Variants in DNAH1 observed in about 807,000 individuals in gnomAD.
The protein encoded by DNAH1 is dynein axonemal heavy chain 1, also known as axonemal beta dynein heavy chain 1.
A neutral mutation model predicts 484.3 loss-of-function variants in DNAH1; 327 were observed. The observed-to-expected ratio is 0.68, with a 90% CI of 0.62 to 0.74. The LOEUF is 0.74. DNAH1 is among the 30% of genes least tolerant of loss of function. The probability of loss-of-function intolerance (pLI) is 0.00; values close to 1 mark genes in which losing one functional copy is unlikely to be tolerated. For synonymous variants in DNAH1, 2,192 were observed against 2,191.9 expected (o/e 1.00, Z 0.00); for missense variants, 5,052 against 5,546.8 (o/e 0.91, Z 2.83).
At position 52,361,806 on chromosome 3, in the gene DNAH1, A is replaced by T. The variant is rs1417403778; in HGVS notation, c.4980+40A>T. ...CCCACCTTACTCCCTCAGATCTGCC[A>T]TACTCACGCCGCCATACTGCTCCCC... On this transcript the variant is annotated intron_variant, in intron 30 of 77. Coordinates refer to ENST00000420323, the MANE Select transcript of DNAH1 (RefSeq NM_015512.5). The surrounding 1 kb of genome is among the most constrained non-coding windows in gnomAD (Gnocchi z 5.6). 7.7e-6 allele frequency: 12 copies of T among 1,553,230 alleles called. No homozygotes were observed. The highest frequency in any genetic ancestry group is 1.0e-5 in the Non-Finnish European group (12 of 1,146,496).
chr3:52,399,679 C>T lies in DNAH1; in HGVS notation c.12576C>T (p.Tyr4192=), dbSNP rs1166558325. ...CTGAGTCTCAGCCCAAGGAGCTGTA[C>T]ACAGAGATGGCCGTTATCTGGCTCT... ...QLAESQPKEL[Y]TEMAVIWLLP... is the part of the protein sequence containing the mutation. The change falls in exon 77 of 78, where the codon TAC becomes TAT. Residue 4192 remains tyrosine (Y), a synonymous_variant. Transcript: ENST00000420323. 3 of 1,614,040 alleles carry T rather than the reference C, an allele frequency of 1.9e-6. No homozygotes were observed. The East Asian group carries it at 6.7e-5, about 36-fold the overall frequency.
At chr3:52,360,546 A>G in intron 28 of DNAH1, 122 bp downstream of exon 28, 3 of 790,342 alleles carry the variant, frequency 3.8e-6, no homozygotes, top group Non-Finnish European at 5.9e-6. Flanking sequence ...GTACAGGGTT[A>G]GGACCAAGGG....
At position 52,354,909 on chromosome 3, in the gene DNAH1, G is replaced by A; in HGVS notation, c.3547G>A (p.Asp1183Asn). 6.2e-7 allele frequency: 1 copy of A among 1,614,052 alleles called. No individual in the cohort carries two copies. Residue 1183 changes from aspartate (D) to asparagine (N), a missense_variant, in exon 21 of 78, where the codon GAC becomes AAC. Physicochemically the swap from Asp to Asn is conservative, Grantham distance 23. This residue lies in a region of DNAH1 where 2,929 missense variants were observed against 3,409.4 expected (regional missense o/e 0.86). Coordinates refer to ENST00000420323, the MANE Select transcript of DNAH1 (RefSeq NM_015512.5). ...LFNVLPYKAT[D>N]TYILKSPDEA... ...CAATGTACTGCCCTACAAGGCGACAGACACCTACATCCTGAAGAGCCCGGA... is the reference window on the plus strand; with the variant it reads ...CAATGTACTGCCCTACAAGGCGACAAACACCTACATCCTGAAGAGCCCGGA...
chr3:52,366,609 T>G, intron 35 of DNAH1, 61 bp downstream of exon 35: 1 of 1,556,876 alleles, frequency 6.4e-7, no homozygotes, highest in African/African-American at 1.4e-5. Context: ...GGGGTGCAGC[T>G]TCAACAGGGG....
Position 52,388,877 on chromosome 3 carries a change from C to A in DNAH1, c.9435C>A (p.Asn3145Lys), listed in dbSNP as rs1233745051. The A allele has an allele frequency of 1.2e-6, 2 of 1,613,554 alleles. No homozygotes were observed. The highest frequency in any genetic ancestry group is 1.7e-5 in the Admixed American group (1 of 59,982). The change falls in exon 59 of 78, where the codon AAC (asparagine) becomes AAA (lysine). Residue 3145 changes from asparagine to lysine, a missense_variant. By Grantham distance (94) the Asn-to-Lys change is moderately conservative. Around this residue, in one of 4 missense-constraint regions of DNAH1, gnomAD observed 2,929 missense variants for 3,409.4 expected, o/e 0.86. Coordinates refer to ENST00000420323, the MANE Select transcript of DNAH1 (RefSeq NM_015512.5). ...TGGAGAACCTGCAGTACATGCTCAA[C>A]AACATCTCCGGCGATGTCCTGGTGG... The part of the protein sequence containing the change: ...ETVENLQYML[N>K]NISGDVLVAA...
chr3:52,395,686 G>T lies in DNAH1; in HGVS notation c.11259+8G>T, dbSNP rs749425109. On this transcript the variant is annotated splice_region_variant and intron_variant, in intron 70 of 77. Coordinates refer to ENST00000420323, the MANE Select transcript of DNAH1 (RefSeq NM_015512.5). The surrounding 1 kb of genome is among the most constrained non-coding windows in gnomAD (Gnocchi z 4.4). ...CACATCAACCCCGACAAGGTGTGTT[G>T]CCCTGCCCATCACAGACCCAGTGGG... The T allele has an allele frequency of 6.2e-7, 1 of 1,612,066 alleles. No homozygotes were observed. Among genetic ancestry groups the T allele is most frequent in the Non-Finnish European group, 8.5e-7 (1 of 1,179,110 alleles).
At chr3:52,394,226 C>G (rs888774365) in intron 66 of DNAH1, among the ~76,000 whole-genome samples, 1 of 152,220 alleles carries the variant, frequency 6.6e-6, no homozygotes, top group Non-Finnish European at 1.5e-5. Context: ...CCTTCTGATT[C>G]TTTCTACTCC....
Position 52,353,930 on chromosome 3 carries a change from G to T in DNAH1, c.3480+297G>T. 1 of 385,258 alleles carries T rather than the reference G, an allele frequency of 2.6e-6. No homozygotes were observed. The allele number at this position is 385,258 out of a possible 1,614,324, so 23.9% of individuals were successfully genotyped here. A position where few individuals can be genotyped will look rare whatever the true frequency, so the allele number is the denominator to read the frequency against. On this transcript the variant is annotated intron_variant, in intron 20 of 77. Transcript: ENST00000420323. The surrounding 1 kb of genome is among the most constrained non-coding windows in gnomAD (Gnocchi z 5.0). ...TGTCAGGCCGGGTGCAGTGACACAT[G>T]CCTGTAAATCCCAGCACTTTGGGAG... is the stretch of plus-strand genomic sequence containing the variant.
Position 52,331,186 on chromosome 3 carries a change from G to C in DNAH1, c.910G>C (p.Glu304Gln), listed in dbSNP as rs377023440. The change falls in exon 7 of 78, where the codon GAG becomes CAG. Residue 304 changes from glutamate (E) to glutamine (Q), a missense_variant. Physicochemically the swap from Glu to Gln is conservative, Grantham distance 29. Transcript: ENST00000420323. The part of the protein sequence containing the change: ...KSQKLKYKWC[E>Q]VGVLDYDEEK... ...TCAGAAGCTGAAGTACAAATGGTGC[G>C]AGGTCGGCGTCCTGGACTACGACGA... 6.2e-7 allele frequency: 1 copy of C among 1,605,146 alleles called. No homozygotes were observed. The highest frequency in any genetic ancestry group is 1.1e-5 in the South Asian group (1 of 89,104).
rs543004950 is a variant in DNAH1 at position 52,386,349 on chromosome 3, G to A, written c.8811+4G>A. On this transcript the variant is annotated splice_donor_region_variant and intron_variant, in intron 55 of 77. Transcript: ENST00000420323. ...CAACAAGAACGATGTGACCGAGGTG[G>A]GCAGCAGGGCATCTCCTGGCATTCC... 6.4e-6 allele frequency: 10 copies of A among 1,559,172 alleles called. No homozygotes were observed. In the East Asian group the frequency reaches 1.9e-4, roughly 30 times the overall value.
At chr3:52,346,905 C>T (rs989818677) in intron 11 of DNAH1, 135 bp downstream of exon 11, 8 of 946,586 alleles carry the variant, frequency 8.5e-6, no homozygotes, top group Non-Finnish European at 1.2e-5. Context: ...GCCGAGCTCC[C>T]TGCAGGCTGC....
At chr3:52,316,730 T>A (rs1700964025) in intron 1 of DNAH1, among the ~76,000 whole-genome samples, 185 bp downstream of exon 1, 1 of 152,176 alleles carries the variant, frequency 6.6e-6, no homozygotes, top group African/African-American at 2.4e-5. Context: ...TAGGGTCCAG[T>A]TCAGTTCCAG....
Position 52,388,466 on chromosome 3 carries a change from C to T in DNAH1, c.9220C>T (p.Leu3074=), listed in dbSNP as rs751348347. Residue 3074 remains leucine, a synonymous_variant, in exon 58 of 78, where the codon CTG becomes TTG. Coordinates refer to ENST00000420323, the MANE Select transcript of DNAH1 (RefSeq NM_015512.5). Reference sequence around the variant, plus strand: ...TGACCTGGGGGTGACACAGAGGATCCTGGATGAGGCAAAACAGCGCCTTCG... The same window carrying T: ...TGACCTGGGGGTGACACAGAGGATCTTGGATGAGGCAAAACAGCGCCTTCG... ...QDDLGVTQRI[L]DEAKQRLREV... is the part of the protein sequence containing the mutation. 6.2e-7 allele frequency: 1 copy of T among 1,612,890 alleles called. No individual in the cohort carries two copies. Among genetic ancestry groups the T allele is most frequent in the Admixed American group, 1.7e-5 (1 of 59,840 alleles).
At chr3:52,383,016 G>T (rs1703924479) in intron 50 of DNAH1, among the ~76,000 whole-genome samples, 1 of 152,240 alleles carries the variant, frequency 6.6e-6, no homozygotes, top group African/African-American at 2.4e-5. Context: ...AGGAAAGGGA[G>T]GATGCCATCT....
chr3:52,368,836 T>G lies in DNAH1; in HGVS notation c.5861T>G (p.Ile1954Ser). 6.2e-7 allele frequency: 1 copy of G among 1,613,944 alleles called. No homozygotes were observed. Among genetic ancestry groups the G allele is most frequent in the Non-Finnish European group, 8.5e-7 (1 of 1,179,892 alleles). ...ATGTTCGATGGGCCGGTGGATGCCA[T>G]CTGGATTGAGAACATGAACACGGTG... ...WYMFDGPVDA[I>S]WIENMNTVLD... The change falls in exon 37 of 78, where the codon ATC becomes AGC. Residue 1954 changes from isoleucine to serine, a missense_variant. This residue lies in a region of DNAH1 where 2,929 missense variants were observed against 3,409.4 expected (regional missense o/e 0.86). Transcript: ENST00000420323. This position sits in a 1 kb window ranked among gnomAD's most constrained non-coding sequence, Gnocchi z 4.4.
intron 36 of DNAH1, among the ~76,000 whole-genome samples, chr3:52,367,348 C>G (rs1188787186): frequency 6.6e-6 from 1 of 152,102 alleles, no homozygotes; most frequent in Non-Finnish European, 1.5e-5. Context: ...GTCTCCAGTT[C>G]TCTGCTGGGG....
intron 28 of DNAH1, among the ~76,000 whole-genome samples, chr3:52,360,632 G>A (rs1702815707): frequency 6.6e-6 from 1 of 152,172 alleles, no homozygotes; most frequent in African/African-American, 2.4e-5. Context: ...CTCTGTGCCT[G>A]AGTTTCCTCT....
chr3:52,358,785 C>T lies in DNAH1; in HGVS notation c.4266+48C>T, dbSNP rs1483656820. On this transcript the variant is annotated intron_variant, in intron 25 of 77. Transcript: ENST00000420323. This position sits in a 1 kb window ranked among gnomAD's most constrained non-coding sequence, Gnocchi z 4.2. ...AGCCTTCCACCCCTGCACCCCTCTGCTCCCTCTCAGTGCCCCTCCTGCTCT... is the reference window on the plus strand; with the variant it reads ...AGCCTTCCACCCCTGCACCCCTCTGTTCCCTCTCAGTGCCCCTCCTGCTCT... 4 of 1,602,706 alleles carry T rather than the reference C, an allele frequency of 2.5e-6. No homozygotes were observed. Among genetic ancestry groups the T allele is most frequent in the South Asian group, 1.1e-5 (1 of 89,864 alleles).
intron 11 of DNAH1, 133 bp downstream of exon 11, chr3:52,346,903 C>T (rs1702167882): frequency 2.0e-6 from 2 of 976,206 alleles, no homozygotes; most frequent in Non-Finnish European, 3.0e-6. Flanking sequence ...GAGCCGAGCT[C>T]CCTGCAGGCT....
Sources: allele counts gnomAD v4.1 joint callset (sites outside exome capture counted in the v4.1 genomes callset), GRCh38; gene constraint gnomAD v4.1.1; regional missense constraint gnomAD v4.1.1; non-coding constraint Gnocchi (gnomAD v3.1); transcripts MANE v1.5; gene names NCBI Gene and HGNC (gene_info 2026-07-23, HGNC 2026-07-21).